The following BRD10 variants were observed in gnomAD, a reference collection of about 807,000 sequenced individuals.
The protein encoded by BRD10 is bromodomain containing 10, also known as uncharacterized bromodomain-containing protein 10.
chr9:5,897,457 G>A, the BRD10 span: 1 of 1,072,034 alleles, frequency 9.3e-7, no homozygotes, highest in East Asian at 2.4e-5. Flanking sequence ...GCTGCTCTGG[G>A]TCGTCAAAGT....
At chr9:5,890,000 TGAG>T in the BRD10 span, among the ~76,000 whole-genome samples, 1 of 152,146 alleles carries the variant, frequency 6.6e-6, no homozygotes, top group Non-Finnish European at 1.5e-5. Context: ...GGAGCTCAGC[TGAG>T]GAGGTTTCAG....
At chr9:5,952,000 C>CTTAT in the BRD10 span, among the ~76,000 whole-genome samples, 22,646 of 127,854 alleles carry the variant, frequency 0.18, 2,171 homozygotes, top group African/African-American at 0.28. Context: ...CAGGAAGAGA[C>CTTAT]TTATTTATTT....
At chr9:5,934,696 C>T in the BRD10 span, among the ~76,000 whole-genome samples, 1 of 151,916 alleles carries the variant, frequency 6.6e-6, no homozygotes, top group Non-Finnish European at 1.5e-5. Flanking sequence ...AACACAAATA[C>T]CTTTTAGAAA....
chr9:5,931,392 A>G, the BRD10 span, among the ~76,000 whole-genome samples: 1 of 152,222 alleles, frequency 6.6e-6, no homozygotes, highest in Non-Finnish European at 1.5e-5. Flanking sequence ...AAAGTTTTTA[A>G]AAGATTAGAA....
the BRD10 span, chr9:5,914,154 G>A: frequency 1.0e-4 from 41 of 403,624 alleles, no homozygotes; most frequent in Admixed American, 8.4e-4. Context: ...GCTGTTCCAC[G>A]TGCAGGGGAT....
the BRD10 span, among the ~76,000 whole-genome samples, chr9:5,932,588 G>T: frequency 1.3e-5 from 2 of 152,094 alleles, no homozygotes; most frequent in Non-Finnish European, 2.9e-5. Flanking sequence ...GATGTGTGTA[G>T]GTTATACATA....
At chr9:5,887,231 C>T in the BRD10 span, among the ~76,000 whole-genome samples, 1 of 152,186 alleles carries the variant, frequency 6.6e-6, no homozygotes, top group Non-Finnish European at 1.5e-5. Flanking sequence ...TGCATTCCTG[C>T]CTGGGCAACA....
the BRD10 span, chr9:5,988,573 G>A: frequency 3.2e-6 from 5 of 1,563,486 alleles, no homozygotes; most frequent in Non-Finnish European, 4.4e-6. Context: ...CAATTCACAA[G>A]GTCAAATCTT....
chr9:5,928,090 A>G, the BRD10 span, among the ~76,000 whole-genome samples: 1 of 152,146 alleles, frequency 6.6e-6, no homozygotes, highest in Non-Finnish European at 1.5e-5. Flanking sequence ...TATCTCAGTT[A>G]ATGGCAATTC....
chr9:5,969,658 C>G, the BRD10 span, among the ~76,000 whole-genome samples: 1 of 152,134 alleles, frequency 6.6e-6, no homozygotes, highest in African/African-American at 2.4e-5. Context: ...ATTCTCCTGC[C>G]TCAGCCTCCC....
chr9:5,913,131 G>A, the BRD10 span, among the ~76,000 whole-genome samples: 29 of 152,316 alleles, frequency 1.9e-4, no homozygotes, highest in African/African-American at 7.0e-4. Context: ...ACAAGAGCTA[G>A]CCAAAAGATT....
the BRD10 span, among the ~76,000 whole-genome samples, chr9:5,927,962 G>A: frequency 6.6e-6 from 1 of 152,078 alleles, no homozygotes; most frequent in Non-Finnish European, 1.5e-5. Flanking sequence ...CTCCTATACT[G>A]AACTGCTTAT....
the BRD10 span, among the ~76,000 whole-genome samples, chr9:5,915,380 T>A: frequency 3.9e-5 from 6 of 152,346 alleles, no homozygotes; most frequent in African/African-American, 1.4e-4. Context: ...AATTATCTCA[T>A]CTAACTTCAC....
At chr9:5,929,663 G>C in the BRD10 span, among the ~76,000 whole-genome samples, 19 of 152,120 alleles carry the variant, frequency 1.2e-4, no homozygotes, top group African/African-American at 4.6e-4. Context: ...AAGCAACCAA[G>C]CAGTTACTGT....
the BRD10 span, among the ~76,000 whole-genome samples, chr9:6,004,871 A>G: frequency 6.6e-6 from 1 of 152,192 alleles, no homozygotes; most frequent in South Asian, 2.1e-4. Flanking sequence ...TTTAGGCTAG[A>G]AGAACTGATG....
At chr9:5,999,307 T>G in the BRD10 span, among the ~76,000 whole-genome samples, 1 of 152,100 alleles carries the variant, frequency 6.6e-6, no homozygotes. Flanking sequence ...TGGCAAAATT[T>G]CTCTTATATC....
the BRD10 span, chr9:5,922,172 C>T: frequency 6.2e-7 from 1 of 1,613,832 alleles, no homozygotes; most frequent in African/African-American, 1.3e-5. Flanking sequence ...CTGTGAATCT[C>T]TTATGCACAC....
the BRD10 span, among the ~76,000 whole-genome samples, chr9:5,963,828 G>A: frequency 2.0e-5 from 3 of 151,976 alleles, no homozygotes; most frequent in Admixed American, 2.0e-4. Flanking sequence ...TTAATAAATG[G>A]TGCTGGGAAA....
chr9:5,932,119 A>G, the BRD10 span, among the ~76,000 whole-genome samples: 59 of 152,324 alleles, frequency 3.9e-4, no homozygotes, highest in Admixed American at 1.1e-3. Flanking sequence ...AAATGAGATG[A>G]TAATCTGCCT....
Sources: allele counts gnomAD v4.1 joint callset (sites outside exome capture counted in the v4.1 genomes callset), GRCh38; gene constraint gnomAD v4.1.1; transcripts MANE v1.5; gene names NCBI Gene and HGNC (gene_info 2026-07-23, HGNC 2026-07-21).